The following ZNF705G variants were observed in gnomAD, a reference collection of about 807,000 sequenced individuals.
ZNF705G encodes zinc finger protein 705G.
A neutral mutation model predicts 19.6 loss-of-function variants in ZNF705G; 23 were observed. The ratio of observed to expected loss-of-function variants is 1.17; its 90% confidence interval spans 0.84 to 1.66. The LOEUF is 1.66. ZNF705G is among the 40% of genes most tolerant of loss of function. The pLI, the probability that ZNF705G is intolerant of heterozygous loss-of-function variation, is 0.00. For missense variants in ZNF705G, 457 were observed against 354.4 expected (o/e 1.29, Z -2.32); for synonymous variants, 146 against 117.7 (o/e 1.24, Z -1.56).
At position 7,361,103 on chromosome 8, in the gene ZNF705G, G is replaced by T; in HGVS notation, c.139+7C>A. 1 of 1,592,550 alleles carries T rather than the reference G, an allele frequency of 6.3e-7. No individual in the cohort carries two copies. Among genetic ancestry groups the T allele is most frequent in the Non-Finnish European group, 8.5e-7 (1 of 1,179,390 alleles). On this transcript the variant is annotated splice_region_variant and intron_variant, in intron 4 of 6. Coordinates refer to ENST00000400156, the MANE Select transcript of ZNF705G (RefSeq NM_001164457.3). ...CTACATATGTACATGAATGTTCAGG[G>T]ACTCACCGAGGGACACCAGGTGACT...
intron 2 of ZNF705G, among the ~76,000 whole-genome samples, chr8:7,371,201 A>G (rs1367332343): frequency 1.6e-5 from 2 of 123,412 alleles, no homozygotes; most frequent in Admixed American, 8.6e-5. Flanking sequence ...GTTATATGAA[A>G]TAGGCCAACC....
At position 7,356,683 on chromosome 8, in the gene ZNF705G, A is replaced by C. The variant is rs1472156415; in HGVS notation, c.*1293T>G. On this transcript the variant is annotated 3_prime_UTR_variant, in exon 7 of 7. Coordinates refer to ENST00000400156, the MANE Select transcript of ZNF705G (RefSeq NM_001164457.3). ...AGGAAAGAGCTGTTGAAGACTGGGG[A>C]GACTCAGAAGTTGGGGTAGAATCTC... 1.3e-5 allele frequency: 2 copies of C among 149,588 alleles called. No individual in the cohort carries two copies. Among genetic ancestry groups the C allele is most frequent in the Non-Finnish European group, 2.9e-5 (2 of 68,030 alleles). 9.3% of individuals were successfully genotyped at this position (149,588 alleles called of 1,614,324 possible).
chr8:7,368,057 T>C (rs1806940805), intron 2 of ZNF705G, among the ~76,000 whole-genome samples: 1 of 149,604 alleles, frequency 6.7e-6, no homozygotes, highest in Non-Finnish European at 1.5e-5. Flanking sequence ...GCTCCTTCTC[T>C]GGGAAAATGC....
At chr8:7,359,369 G>C (rs1202770108) in intron 6 of ZNF705G, among the ~76,000 whole-genome samples, 1 of 149,740 alleles carries the variant, frequency 6.7e-6, no homozygotes, top group Admixed American at 6.6e-5. Flanking sequence ...TAATTGTGTT[G>C]ATATCAATAT....
Position 7,355,527 on chromosome 8 carries a change from G to A in ZNF705G, c.*2449C>T, listed in dbSNP as rs1806170811. ...ATGGAAATTGAGTATGATACCTTGT[G>A]CTTTAATTAAAGAAGATGGAAATAA... On this transcript the variant is annotated 3_prime_UTR_variant, in exon 7 of 7. Transcript: ENST00000400156. The A allele has an allele frequency of 1.3e-5, 2 of 150,126 alleles. No homozygotes were observed. The highest frequency in any genetic ancestry group is 1.3e-4 in the Admixed American group (2 of 15,274). 9.3% of individuals were successfully genotyped at this position (150,126 alleles called of 1,614,324 possible). A position where few individuals can be genotyped will look rare whatever the true frequency, so the allele number is the denominator to read the frequency against.
intron 2 of ZNF705G, among the ~76,000 whole-genome samples, chr8:7,368,914 G>A (rs1320688418): frequency 2.0e-4 from 30 of 149,640 alleles, no homozygotes; most frequent in Admixed American, 1.2e-3. Flanking sequence ...GGTGCACAAG[G>A]TACAGGAGTA....
At chr8:7,369,733 C>T (rs866727365) in intron 2 of ZNF705G, among the ~76,000 whole-genome samples, 1 of 149,530 alleles carries the variant, frequency 6.7e-6, no homozygotes, top group South Asian at 2.1e-4. Flanking sequence ...AATTTATGTC[C>T]TTTGCACCAA....
chr8:7,382,622 G>A (rs60497429), intron 1 of ZNF705G, among the ~76,000 whole-genome samples: 64 of 142,336 alleles, frequency 4.5e-4, no homozygotes, highest in Middle Eastern at 3.4e-3. Flanking sequence ...TTAAAATTGC[G>A]TTTTGATTAA....
chr8:7,359,144 C>G (rs182352338), intron 6 of ZNF705G, among the ~76,000 whole-genome samples: 41 of 149,594 alleles, frequency 2.7e-4, no homozygotes, highest in South Asian at 6.3e-4. Flanking sequence ...CAATATCCCA[C>G]CCTTTCCCCT....
intron 3 of ZNF705G, among the ~76,000 whole-genome samples, chr8:7,362,181 T>C (rs75113020): frequency 2.0e-5 from 3 of 149,654 alleles, no homozygotes. Flanking sequence ...CCCTAAATTG[T>C]ACTCTATCTA....
At chr8:7,381,821 C>A (rs1445025009) in intron 1 of ZNF705G, among the ~76,000 whole-genome samples, 1 of 149,286 alleles carries the variant, frequency 6.7e-6, no homozygotes, top group Non-Finnish European at 1.5e-5. Context: ...GATCCATACT[C>A]CAAACCACCA....
At chr8:7,369,994 C>G (rs1585420660) in intron 2 of ZNF705G, among the ~76,000 whole-genome samples, 1 of 149,100 alleles carries the variant, frequency 6.7e-6, no homozygotes, top group Admixed American at 6.6e-5. Context: ...ACACAATGTG[C>G]CAGTGTAAAA....
At position 7,362,545 on chromosome 8, in the gene ZNF705G, G is replaced by T. The variant is rs1245236508; in HGVS notation, c.12+390C>A. Among the ~76,000 whole-genome samples the T allele has an allele frequency of 1.6e-4, 24 of 149,726 alleles. 2 individuals are homozygous for T. The South Asian group carries it at 2.5e-3, about 16-fold the overall frequency. On this transcript the variant is annotated intron_variant, in intron 3 of 6. Transcript: ENST00000400156. ...AATCCTAAGTCTATTTCAGGCAACAGTATAGTTAATGGGTCAATTATTTCC... is the reference window on the plus strand; with the variant it reads ...AATCCTAAGTCTATTTCAGGCAACATTATAGTTAATGGGTCAATTATTTCC...
rs572517971 is a variant in ZNF705G, at chr8:7,370,080, C to T, written c.-71-7063G>A. On this transcript the variant is annotated intron_variant, in intron 2 of 6. Coordinates refer to ENST00000400156, the MANE Select transcript of ZNF705G (RefSeq NM_001164457.3). ...AAATGGGCAAAGATCTGGCTAACAC[C>T]GTGAAACCCTGTCTCCACTGGAAAA... Among the ~76,000 whole-genome samples the T allele has an allele frequency of 5.8e-4, 85 of 147,804 alleles. 8 individuals are homozygous for T. The highest frequency in any genetic ancestry group is 1.8e-3 in the African/African-American group (68 of 37,724).
Position 7,374,870 on chromosome 8 carries a change from C to T in ZNF705G, c.-72+6582G>A, listed in dbSNP as rs530021721. On this transcript the variant is annotated intron_variant, in intron 2 of 6. Coordinates refer to ENST00000400156, the MANE Select transcript of ZNF705G (RefSeq NM_001164457.3). ...ATCTTTTGTTCCTAAAGCAAATGGCCGGAAAAGACATAGTGTCCACAATAT... is the reference window on the plus strand; with the variant it reads ...ATCTTTTGTTCCTAAAGCAAATGGCTGGAAAAGACATAGTGTCCACAATAT... Among the ~76,000 whole-genome samples, 14 of 89,828 alleles carry T rather than the reference C, an allele frequency of 1.6e-4. 5 individuals are homozygous for T. In the South Asian group the frequency reaches 2.4e-3, roughly 15 times the overall value. 58.9% of individuals were successfully genotyped at this position (89,828 alleles called of 152,430 possible). A position where few individuals can be genotyped will look rare whatever the true frequency, so the allele number is the denominator to read the frequency against.
chr8:7,379,644 G>A (rs561641122), intron 2 of ZNF705G, among the ~76,000 whole-genome samples: 1 of 147,226 alleles, frequency 6.8e-6, no homozygotes. Flanking sequence ...AGCCAGGACA[G>A]GCTCTCCAGT....
chr8:7,357,855 A>T lies in ZNF705G; in HGVS notation c.*121T>A, dbSNP rs1806345880. The T allele has an allele frequency of 6.9e-7, 1 of 1,456,444 alleles. No homozygotes were observed. The highest frequency in any genetic ancestry group is 9.2e-7 in the Non-Finnish European group (1 of 1,091,320). The allele number at this position is 1,456,444 out of a possible 1,614,324, so 90.2% of individuals were successfully genotyped here. ...CTAAAGTCAGAATATGTTCTGAAGAAGTTTATAATTTTCTCTCCAGGGTGA... is the reference window on the plus strand; with the variant it reads ...CTAAAGTCAGAATATGTTCTGAAGATGTTTATAATTTTCTCTCCAGGGTGA... On this transcript the variant is annotated 3_prime_UTR_variant, in exon 7 of 7. Transcript: ENST00000400156.
In ZNF705G at chr8:7,383,091, A is replaced by G. The variant is rs546580975; in HGVS notation, c.-221-1490T>C. ...AGGAGAAGAAATTCTGTAAATGGAAATTACATTTTTTCCTTGGTTGAGTTC... is the reference window on the plus strand; with the variant it reads ...AGGAGAAGAAATTCTGTAAATGGAAGTTACATTTTTTCCTTGGTTGAGTTC... On this transcript the variant is annotated intron_variant, in intron 1 of 6. Transcript: ENST00000400156. 3.9e-4 allele frequency among the ~76,000 whole-genome samples: 58 copies of G among 147,414 alleles called. 1 individual carries two copies. The highest frequency in any genetic ancestry group is 1.5e-3 in the African/African-American group (56 of 37,512).
Position 7,358,338 on chromosome 8 carries a change from A to G in ZNF705G, c.541T>C (p.Tyr181His). ...CGTCTAAGGTGAAAGCAATTAGTAT[A>G]GGCCTTTTCACATAGATTACACTGA... ...SYQCNLCEKA[Y>H]TNCFHLRRHK... Residue 181 changes from tyrosine (Y) to histidine (H), a missense_variant, in exon 7 of 7, where the codon TAT (tyrosine) becomes CAT (histidine). Transcript: ENST00000400156. The G allele has an allele frequency of 6.2e-7, 1 of 1,607,640 alleles. No homozygotes were observed. Among genetic ancestry groups the G allele is most frequent in the East Asian group, 2.2e-5 (1 of 44,866 alleles).
Sources: gnomAD v4.1 joint callset for allele counts (sites outside exome capture counted in the v4.1 genomes callset) on GRCh38, gnomAD v4.1.1 for gene constraint, MANE v1.5 for transcripts, NCBI Gene and HGNC (gene_info 2026-07-23, HGNC 2026-07-21) for gene names.